Variants in FAM111B observed in about 807,000 individuals in gnomAD.
FAM111B encodes serine protease FAM111B.
A neutral mutation model predicts 2.8 loss-of-function variants in FAM111B; 1 was observed. The observed-to-expected ratio is 0.36, with a 90% CI of 0.13 to 1.70. FAM111B has a LOEUF of 1.70. Among genes scored for constraint, FAM111B ranks in the 40% most tolerant of loss-of-function variants. The pLI is 0.35. For synonymous variants in FAM111B, 297 were observed against 295.6 expected (o/e 1.00, Z -0.05); for missense variants, 882 against 878.9 (o/e 1.00, Z -0.04).
At chr11:59,123,734 T>G (rs1859959007) in intron 3 of FAM111B, among the ~76,000 whole-genome samples, 1 of 152,226 alleles carries the variant, frequency 6.6e-6, no homozygotes, top group African/African-American at 2.4e-5. Flanking sequence ...TAAAGTCACA[T>G]GCATCATAGT....
chr11:59,108,061 T>C (rs997166432), intron 1 of FAM111B, among the ~76,000 whole-genome samples: 10 of 152,106 alleles, frequency 6.6e-5, no homozygotes, highest in African/African-American at 2.4e-4. Flanking sequence ...AGGCGGGGGT[T>C]GTGGAGTGAG....
In FAM111B at chr11:59,126,187, C is replaced by T; in HGVS notation, c.2090C>T (p.Thr697Ile). ...MDSILCDIKKTNESLYKSLND... is the reference protein window; with the variant it reads ...MDSILCDIKKINESLYKSLND... ...TCTATTCTTTGTGATATTAAAAAGA[C>T]AAATGAGAGCTTGTATAAATCATTA... The change falls in exon 4 of 4, where the codon ACA becomes ATA. Residue 697 changes from threonine to isoleucine, a missense_variant. By Grantham distance (89) the Thr-to-Ile change is moderately conservative. Coordinates refer to ENST00000343597, the MANE Select transcript of FAM111B (RefSeq NM_198947.4). 1 of 1,611,138 alleles carries T rather than the reference C, an allele frequency of 6.2e-7. No individual in the cohort carries two copies. Among genetic ancestry groups the T allele is most frequent in the Non-Finnish European group, 8.5e-7 (1 of 1,178,982 alleles).
In FAM111B at chr11:59,125,790, A is replaced by C; in HGVS notation, c.1693A>C (p.Ile565Leu). The change falls in exon 4 of 4, where the codon ATT becomes CTT. Residue 565 changes from isoleucine (I) to leucine (L), a missense_variant. Physicochemically the swap from Ile to Leu is conservative, Grantham distance 5 (BLOSUM62 2). Coordinates refer to ENST00000343597, the MANE Select transcript of FAM111B (RefSeq NM_198947.4). Reference sequence around the variant, plus strand: ...GTTTCCTCCAGGACTATGGCGACAGATTTCTCCTCAACCATCTACTGGTTT... The same window carrying C: ...GTTTCCTCCAGGACTATGGCGACAGCTTTCTCCTCAACCATCTACTGGTTT... ...NAFPPGLWRQ[I>L]SPQPSTGLIY... 6.2e-7 allele frequency: 1 copy of C among 1,613,860 alleles called. No homozygotes were observed. Among genetic ancestry groups the C allele is most frequent in the Non-Finnish European group, 8.5e-7 (1 of 1,179,836 alleles).
In FAM111B at chr11:59,124,406, C is replaced by G; in HGVS notation, c.309C>G (p.Pro103=). 1 of 1,613,564 alleles carries G rather than the reference C, an allele frequency of 6.2e-7. No individual in the cohort carries two copies. The highest frequency in any genetic ancestry group is 1.1e-5 in the South Asian group (1 of 91,054). Residue 103 remains proline (P), a synonymous_variant, in exon 4 of 4, where the codon CCC becomes CCG. Coordinates refer to ENST00000343597, the MANE Select transcript of FAM111B (RefSeq NM_198947.4). ...DRSVFTAYGK[P]SESIYSALSA... ...GTGTGTTTACAGCATATGGTAAACC[C>G]AGCGAGAGTATCTACTCAGCCCTGA...
rs372890519 is a variant in FAM111B, at chr11:59,125,339, A to T, written c.1242A>T (p.Lys414Asn). 9.9e-6 allele frequency: 16 copies of T among 1,614,018 alleles called. No homozygotes were observed. The highest frequency in any genetic ancestry group is 1.7e-4 in the Middle Eastern group (1 of 6,060). Residue 414 changes from lysine (K) to asparagine (N), a missense_variant, in exon 4 of 4, where the codon AAA becomes AAT. Coordinates refer to ENST00000343597, the MANE Select transcript of FAM111B (RefSeq NM_198947.4). The stretch of plus-strand genomic sequence containing the variant: ...AAGAGGAGGCACAGTGGGTAAGAAA[A>T]TATTTTCGGGAAGAACAAAAGAGAA... ...NFKEEAQWVR[K>N]YFREEQKRMN...
Position 59,124,622 on chromosome 11 carries a change from A to G in FAM111B, c.525A>G (p.Gln175=), listed in dbSNP as rs761898661. ...AAGAAGATGGACACATATTACGCCA[A>G]TGTGAAAATCCAAACATGGAATGCA... ...SSKEDGHILR[Q]CENPNMECIL... is the part of the protein sequence containing the mutation. Residue 175 remains glutamine (Q), a synonymous_variant, in exon 4 of 4, where the codon CAA becomes CAG. Transcript: ENST00000343597. The G allele has an allele frequency of 7.4e-6, 12 of 1,613,810 alleles. No individual in the cohort carries two copies. The highest frequency in any genetic ancestry group is 2.7e-5 in the African/African-American group (2 of 74,936).
chr11:59,108,400 T>G (rs1394412256), intron 1 of FAM111B, among the ~76,000 whole-genome samples: 2 of 152,342 alleles, frequency 1.3e-5, no homozygotes, highest in Non-Finnish European at 2.9e-5. Flanking sequence ...GTTCCCTCTC[T>G]GTGCAGGTCT....
chr11:59,122,147 A>C (rs904527587), intron 3 of FAM111B, among the ~76,000 whole-genome samples: 2 of 152,216 alleles, frequency 1.3e-5, no homozygotes, highest in African/African-American at 4.8e-5. Flanking sequence ...GTCTCAAAAA[A>C]AATAAATAAA....
At chr11:59,116,199 C>T (rs752773441) in intron 3 of FAM111B, among the ~76,000 whole-genome samples, 5 of 152,182 alleles carry the variant, frequency 3.3e-5, no homozygotes, top group Non-Finnish European at 5.9e-5. Context: ...GGGCCTTAGT[C>T]ACTTCCTCCT....
In FAM111B at chr11:59,126,025, C is replaced by T. The variant is rs774221429; in HGVS notation, c.1928C>T (p.Thr643Ile). 5 of 1,613,830 alleles carry T rather than the reference C, an allele frequency of 3.1e-6. No individual in the cohort carries two copies. The highest frequency in any genetic ancestry group is 8.5e-7 in the Non-Finnish European group (1 of 1,179,886). The change falls in exon 4 of 4, where the codon ACT becomes ATT. Residue 643 changes from threonine (T) to isoleucine (I), a missense_variant. By Grantham distance (89) the Thr-to-Ile change is moderately conservative. Coordinates refer to ENST00000343597, the MANE Select transcript of FAM111B (RefSeq NM_198947.4). ...AACACACACACGCTTAGTTATGATA[C>T]TTGTTTCTCTGATGGGTCCTCAGGC... ...VWNTHTLSYD[T>I]CFSDGSSGSP...
At chr11:59,109,514 A>C in intron 2 of FAM111B, 26 bp from the exon 3 acceptor site, 1 of 641,572 alleles carries the variant, frequency 1.6e-6, no homozygotes, top group South Asian at 2.3e-5. Context: ...GTTATTTCAT[A>C]GATCTTGTTT....
At chr11:59,113,170 A>G (rs1406811647) in intron 3 of FAM111B, among the ~76,000 whole-genome samples, 1 of 149,738 alleles carries the variant, frequency 6.7e-6, no homozygotes, top group African/African-American at 2.5e-5. Flanking sequence ...TGTATGGTGC[A>G]ATATCTGGAT....
intron 3 of FAM111B, among the ~76,000 whole-genome samples, chr11:59,119,603 G>A (rs1859890413): frequency 6.6e-6 from 1 of 152,108 alleles, no homozygotes; most frequent in South Asian, 2.1e-4. Flanking sequence ...GCTATAATGG[G>A]CTTACTTTAT....
Position 59,125,036 on chromosome 11 carries a change from G to T in FAM111B, c.939G>T (p.Glu313Asp), listed in dbSNP as rs768018195. Residue 313 changes from glutamate to aspartate, a missense_variant, in exon 4 of 4, where the codon GAG (glutamate) becomes GAT (aspartate). Transcript: ENST00000343597. ...KKVHKPKKDG[E>D]TKDVEHSREQ... is the part of the protein sequence containing the mutation. ...TCCACAAACCAAAGAAAGATGGAGA[G>T]ACCAAAGATGTAGAACACAGCAGAG... The T allele has an allele frequency of 8.1e-6, 13 of 1,612,768 alleles. No homozygotes were observed. The highest frequency in any genetic ancestry group is 1.0e-5 in the Non-Finnish European group (12 of 1,179,720).
intron 2 of FAM111B, among the ~76,000 whole-genome samples, chr11:59,109,063 A>G (rs2135394277): frequency 6.6e-6 from 1 of 152,320 alleles, no homozygotes; most frequent in Middle Eastern, 3.4e-3. Context: ...CTGATACTTC[A>G]TGAATTATGA....
intron 3 of FAM111B, among the ~76,000 whole-genome samples, chr11:59,121,069 G>GA (rs368983942): frequency 0.051 from 4,311 of 84,578 alleles, 150 homozygotes; most frequent in African/African-American, 0.11. Flanking sequence ...ACAATTTTTT[G>GA]AAAAAAAAAA....
At chr11:59,121,921 G>C (rs1859928949) in intron 3 of FAM111B, among the ~76,000 whole-genome samples, 1 of 152,156 alleles carries the variant, frequency 6.6e-6, no homozygotes, top group Non-Finnish European at 1.5e-5. Context: ...GAGGCAGGTG[G>C]ATCATGAGGT....
At position 59,126,110 on chromosome 11, in the gene FAM111B, T is replaced by G; in HGVS notation, c.2013T>G (p.Tyr671Ter). 6.2e-7 allele frequency: 1 copy of G among 1,613,438 alleles called. No homozygotes were observed. ...LVALHTFGLFYQRGFNVHALI... is the reference protein window; with the variant it reads ...LVALHTFGLF ...CTTTGCATACCTTTGGGCTTTTTTA[T>G]CAACGAGGATTTAATGTGCATGCCC... The change falls in exon 4 of 4, where the codon TAT (tyrosine) becomes TAG (stop). Residue 671 changes from tyrosine (Y) to a stop codon, truncating the protein, a stop_gained. Transcript: ENST00000343597. LOFTEE classifies it low-confidence loss of function (END_TRUNC).
At position 59,124,169 on chromosome 11, in the gene FAM111B, CCTTTTT is replaced by C. The variant is rs752830956; in HGVS notation, c.82-9_82-4del. 1.3e-6 allele frequency: 2 copies of C among 1,573,908 alleles called. No individual in the cohort carries two copies. Among genetic ancestry groups the C allele is most frequent in the South Asian group, 2.4e-5 (2 of 84,034 alleles). ...ATTCTTGTTAACCTCTTTAATCTTT[CCTTTTT>C]AAGGATACTGTCATGAAGCAGACAC... On this transcript the variant is annotated splice_polypyrimidine_tract_variant and splice_region_variant and intron_variant, in intron 3 of 3. Transcript: ENST00000343597.
Sources: gnomAD v4.1 joint callset for allele counts (sites outside exome capture counted in the v4.1 genomes callset) on GRCh38, gnomAD v4.1.1 for gene constraint, MANE v1.5 for transcripts, NCBI Gene and HGNC (gene_info 2026-07-23, HGNC 2026-07-21) for gene names.